NR3C1: variants seen among roughly 807,000 people sequenced by gnomAD.
NR3C1 encodes glucocorticoid receptor.
NR3C1 carries 14 observed loss-of-function variants against 74.0 expected under a neutral mutation model. The observed-to-expected ratio is 0.19, with a 90% CI of 0.12 to 0.30. The LOEUF is 0.30. NR3C1 is among the 10% of genes least tolerant of loss of function. NR3C1 has a pLI of 1.00. For synonymous variants in NR3C1, 308 were observed against 332.5 expected (o/e 0.93, Z 0.80); for missense variants, 695 against 909.8 (o/e 0.76, Z 3.04).
Position 143,279,234 on chromosome 5 carries a change from C to T in NR3C1, c.*2655G>A. The T allele has an allele frequency of 9.7e-7, 1 of 1,029,276 alleles. No homozygotes were observed. Among genetic ancestry groups the T allele is most frequent in the Middle Eastern group, 2.1e-4 (1 of 4,798 alleles). The allele number at this position is 1,029,276 out of a possible 1,614,324, so 63.8% of individuals were successfully genotyped here. On this transcript the variant is annotated 3_prime_UTR_variant, in exon 9 of 9. Transcript: ENST00000394464. ...TCCTAAAAGGGCACAGCTTCTTTTCCCATTTAATGAAAAGCCTCCTATAGT... is the reference window on the plus strand; with the variant it reads ...TCCTAAAAGGGCACAGCTTCTTTTCTCATTTAATGAAAAGCCTCCTATAGT...
chr5:143,393,323 G>A (rs1425229522), intron 2 of NR3C1, among the ~76,000 whole-genome samples: 2 of 152,002 alleles, frequency 1.3e-5, no homozygotes, highest in African/African-American at 4.8e-5. Context: ...CAAATTGACG[G>A]GTTAAAAGGA....
intron 2 of NR3C1, among the ~76,000 whole-genome samples, chr5:143,318,972 T>A (rs774298338): frequency 2.0e-5 from 3 of 152,208 alleles, no homozygotes; most frequent in Non-Finnish European, 4.4e-5. Context: ...GTTTTACTCA[T>A]CTTTGCTTTT....
chr5:143,299,789 A>T (rs1413542726), intron 5 of NR3C1, among the ~76,000 whole-genome samples: 1 of 152,216 alleles, frequency 6.6e-6, no homozygotes, highest in Non-Finnish European at 1.5e-5. Flanking sequence ...TTGAGGTATT[A>T]ATCAATGAGT....
chr5:143,352,545 T>C (rs551143143), intron 2 of NR3C1, among the ~76,000 whole-genome samples: 1 of 152,152 alleles, frequency 6.6e-6, no homozygotes, highest in Non-Finnish European at 1.5e-5. Flanking sequence ...CAAAATAATA[T>C]TAATACAGGC....
chr5:143,372,174 A>T (rs1037332409), intron 2 of NR3C1, among the ~76,000 whole-genome samples: 3 of 152,208 alleles, frequency 2.0e-5, no homozygotes, highest in Non-Finnish European at 2.9e-5. Flanking sequence ...CTTATCATAG[A>T]TCTTAGCAGT....
chr5:143,306,874 ATTTTTTTTTTTTTTTTTTTTTTTTTTT>A (rs70991802), intron 4 of NR3C1, among the ~76,000 whole-genome samples: 5 of 82,906 alleles, frequency 6.0e-5, no homozygotes. Flanking sequence ...GTATGCTTAA[ATTTTTTTTTTTTTTTTTTTTTTTTTTT>A]TTTTTTTTTT....
At chr5:143,373,547 C>T (rs578213081) in intron 2 of NR3C1, among the ~76,000 whole-genome samples, 1 of 151,884 alleles carries the variant, frequency 6.6e-6, no homozygotes, top group East Asian at 1.9e-4. Context: ...ACCAACATGG[C>T]GCATGTATAC....
At chr5:143,409,386 T>A (rs1841221555) in intron 1 of NR3C1, 1 of 152,254 alleles carries the variant, frequency 6.6e-6, no homozygotes, top group South Asian at 2.1e-4. Context: ...TTTCCATTTA[T>A]TCTTTTTTTC....
intron 2 of NR3C1, among the ~76,000 whole-genome samples, chr5:143,358,126 T>C (rs1484542953): frequency 1.3e-5 from 2 of 152,212 alleles, no homozygotes; most frequent in Non-Finnish European, 2.9e-5. Context: ...TTTGGGTAGA[T>C]TTCTCTTCCC....
intron 2 of NR3C1, among the ~76,000 whole-genome samples, chr5:143,336,673 T>G (rs540429097): frequency 1.3e-5 from 2 of 152,210 alleles, no homozygotes; most frequent in African/African-American, 2.4e-5. Context: ...ATAAAAAATA[T>G]TTTTAAAAAA....
intron 2 of NR3C1, among the ~76,000 whole-genome samples, chr5:143,358,984 T>G (rs1831709509): frequency 6.6e-6 from 1 of 152,186 alleles, no homozygotes; most frequent in South Asian, 2.1e-4. Flanking sequence ...AAAGCTTCCT[T>G]TGTACATTCA....
intron 1 of NR3C1, among the ~76,000 whole-genome samples, chr5:143,433,456 A>ATATATATATAATTTATTTATTTAAAT (rs1561822091): frequency 0.057 from 2,499 of 44,000 alleles, 130 homozygotes; most frequent in Admixed American, 0.1. Flanking sequence ...TTTAAATTAT[A>ATATATATATAATTTATTTATTTAAAT]TATATATATA....
chr5:143,432,878 C>T (rs745610911), intron 1 of NR3C1, among the ~76,000 whole-genome samples: 1 of 152,170 alleles, frequency 6.6e-6, no homozygotes, highest in Non-Finnish European at 1.5e-5. Context: ...CTGAGTAACC[C>T]ACCGACTATT....
In NR3C1 at chr5:143,355,738, GA is replaced by G. The variant is rs559034441; in HGVS notation, c.1185-41571del. On this transcript the variant is annotated intron_variant, in intron 2 of 8. Transcript: ENST00000394464. ...CATGTTAAAGGTATTCAGATTCAAT[GA>G]AACAGTACTAATAACTTCCAGGCCA... Among the ~76,000 whole-genome samples, 3 of 152,226 alleles carry G rather than the reference GA, an allele frequency of 2.0e-5. No homozygotes were observed. In the South Asian group the frequency reaches 6.2e-4, roughly 32 times the overall value.
At chr5:143,324,080 T>C (rs571403626) in intron 2 of NR3C1, among the ~76,000 whole-genome samples, 14 of 152,214 alleles carry the variant, frequency 9.2e-5, no homozygotes, top group African/African-American at 2.4e-4. Context: ...ATGGTGCAAG[T>C]TGTTGGTGGA....
chr5:143,408,810 G>GTAC (rs1188867674), intron 1 of NR3C1, among the ~76,000 whole-genome samples: 1 of 152,122 alleles, frequency 6.6e-6, no homozygotes, highest in African/African-American at 2.4e-5. Context: ...TGTTCAATGT[G>GTAC]TACTTTTAGA....
At chr5:143,306,223 G>A (rs536070389) in intron 4 of NR3C1, among the ~76,000 whole-genome samples, 2 of 152,284 alleles carry the variant, frequency 1.3e-5, no homozygotes, top group Admixed American at 6.5e-5. Flanking sequence ...TATGGGGCAA[G>A]AGTATAAAAA....
chr5:143,358,840 T>TGG (rs1476639997), intron 2 of NR3C1, among the ~76,000 whole-genome samples: 8 of 149,100 alleles, frequency 5.4e-5, no homozygotes, highest in Non-Finnish European at 1.2e-4. Flanking sequence ...GCAGAGGTTG[T>TGG]GGTGAGCCGA....
intron 7 of NR3C1, among the ~76,000 whole-genome samples, chr5:143,292,255 G>T (rs556636575): frequency 6.6e-6 from 1 of 152,062 alleles, no homozygotes; most frequent in East Asian, 1.9e-4. Context: ...TCTCTCAGTT[G>T]TAATCCACTG....
Sources: gnomAD v4.1 joint callset for allele counts (sites outside exome capture counted in the v4.1 genomes callset) on GRCh38, gnomAD v4.1.1 for gene constraint, MANE v1.5 for transcripts, NCBI Gene and HGNC (gene_info 2026-07-23, HGNC 2026-07-21) for gene names.